Variants in ACYP2 observed in about 807,000 individuals in gnomAD.
The protein encoded by ACYP2 is acylphosphatase 2.
ACYP2 carries 12 observed loss-of-function variants against 11.2 expected under a neutral mutation model. The ratio of observed to expected loss-of-function variants is 1.08; its 90% CI spans 0.69 to 1.74. The LOEUF is 1.74. Among genes scored for constraint, ACYP2 ranks in the 40% most tolerant of loss-of-function variants. The probability of loss-of-function intolerance (pLI) is 0.00; values close to 1 mark genes in which losing one functional copy is unlikely to be tolerated. For synonymous variants in ACYP2, 43 were observed against 32.2 expected (o/e 1.33, Z -1.13); for missense variants, 134 against 101.9 (o/e 1.31, Z -1.35).
At chr2:54,105,095 C>T (rs1024051484) in intron 4 of ACYP2, among the ~76,000 whole-genome samples, 1 of 152,160 alleles carries the variant, frequency 6.6e-6, no homozygotes, top group Non-Finnish European at 1.5e-5. Flanking sequence ...CAGGAAATTT[C>T]CCCCCAGGAA....
intron 6 of ACYP2, among the ~76,000 whole-genome samples, chr2:54,275,015 C>A (rs777220449): frequency 1.7e-4 from 26 of 152,100 alleles, no homozygotes; most frequent in Non-Finnish European, 3.2e-4. Flanking sequence ...TTAACTAGAC[C>A]ATGTTTCAGG....
intron 2 of ACYP2, among the ~76,000 whole-genome samples, chr2:54,038,474 A>G (rs975148987): frequency 6.6e-6 from 1 of 151,838 alleles, no homozygotes; most frequent in Non-Finnish European, 1.5e-5. Context: ...GCGTGGTGCT[A>G]TTCTAAGCAC....
At chr2:54,214,562 T>A (rs767310779) in intron 6 of ACYP2, among the ~76,000 whole-genome samples, 4 of 152,210 alleles carry the variant, frequency 2.6e-5, no homozygotes, top group Non-Finnish European at 4.4e-5. Context: ...ATGTGTGGCT[T>A]TATTTCTGGG....
At chr2:54,045,708 C>A (rs1393980803) in intron 2 of ACYP2, among the ~76,000 whole-genome samples, 1 of 151,772 alleles carries the variant, frequency 6.6e-6, no homozygotes, top group Non-Finnish European at 1.5e-5. Context: ...CCCAGCTACT[C>A]GGGAGGCTGA....
intron 4 of ACYP2, chr2:54,065,492 G>T: frequency 2.5e-6 from 1 of 398,590 alleles, no homozygotes; most frequent in Non-Finnish European, 4.4e-6. Flanking sequence ...ATGTTTCAAT[G>T]CTTGGCTATC....
intron 6 of ACYP2, among the ~76,000 whole-genome samples, chr2:54,193,622 G>A (rs1363311634): frequency 6.6e-6 from 1 of 151,890 alleles, no homozygotes; most frequent in East Asian, 1.9e-4. Flanking sequence ...TTGCTCATAA[G>A]GCCAAATTTT....
intron 6 of ACYP2, among the ~76,000 whole-genome samples, chr2:54,207,148 A>G (rs1314397609): frequency 7.2e-6 from 1 of 138,118 alleles, no homozygotes; most frequent in African/African-American, 3.0e-5. Flanking sequence ...TCAAGTTATT[A>G]TATGTACATA....
At chr2:54,056,738 G>T (rs1044707933) in intron 3 of ACYP2, among the ~76,000 whole-genome samples, 5 of 152,008 alleles carry the variant, frequency 3.3e-5, no homozygotes, top group Non-Finnish European at 5.9e-5. Context: ...TGTTGTGTAT[G>T]TCATCTGTAT....
intron 4 of ACYP2, among the ~76,000 whole-genome samples, chr2:54,061,657 C>A (rs1165781943): frequency 1.3e-5 from 2 of 152,142 alleles, no homozygotes; most frequent in Non-Finnish European, 2.9e-5. Context: ...TAGAATCAGG[C>A]TTAGAAAATA....
chr2:53,976,362 C>T (rs1671489018), intron 2 of ACYP2, among the ~76,000 whole-genome samples: 1 of 152,096 alleles, frequency 6.6e-6, no homozygotes, highest in African/African-American at 2.4e-5. Flanking sequence ...TGCATGCTAC[C>T]ATGTCCGGCT....
chr2:54,168,598 G>A (rs1683103330), intron 6 of ACYP2, among the ~76,000 whole-genome samples: 1 of 143,914 alleles, frequency 6.9e-6, no homozygotes, highest in Admixed American at 7.0e-5. Flanking sequence ...TACATTACGG[G>A]GATAATATTT....
chr2:54,257,990 A>T (rs1467806795), intron 6 of ACYP2, among the ~76,000 whole-genome samples: 1 of 152,228 alleles, frequency 6.6e-6, no homozygotes, highest in Non-Finnish European at 1.5e-5. Context: ...TTTATTAAAC[A>T]TTCAACAAAT....
At chr2:54,223,093 T>G (rs1415989458) in intron 6 of ACYP2, 1 of 152,212 alleles carries the variant, frequency 6.6e-6, no homozygotes, top group Non-Finnish European at 1.5e-5. Flanking sequence ...AGTGAGTGCC[T>G]TCTTTGACTC....
intron 6 of ACYP2, among the ~76,000 whole-genome samples, chr2:54,302,699 G>A (rs765836263): frequency 6.6e-5 from 10 of 152,014 alleles, no homozygotes; most frequent in African/African-American, 2.4e-4. Context: ...CCAAAACTGA[G>A]CCTCTGATCT....
chr2:54,177,591 T>C (rs1683517259), intron 6 of ACYP2, among the ~76,000 whole-genome samples: 1 of 151,818 alleles, frequency 6.6e-6, no homozygotes, highest in African/African-American at 2.4e-5. Context: ...TTTTTTTTTT[T>C]TCTGGAAACG....
intron 4 of ACYP2, among the ~76,000 whole-genome samples, chr2:54,062,480 G>T (rs1340703518): frequency 6.6e-6 from 1 of 152,066 alleles, no homozygotes; most frequent in Admixed American, 6.5e-5. Context: ...AATAAATCTG[G>T]TTCCACTTTT....
In ACYP2 at chr2:54,187,239, G is replaced by C. The variant is rs188000203; in HGVS notation, c.404+48491G>C. Among the ~76,000 whole-genome samples, 3 of 152,308 alleles carry C rather than the reference G, an allele frequency of 2.0e-5. No individual in the cohort carries two copies. In the East Asian group the frequency reaches 5.8e-4, roughly 29 times the overall value. ...TTTAGGGGAGCTGTTACAGAGAGCA[G>C]CAGGGGTTCAGATTGCAGTGTGTCT... On this transcript the variant is annotated intron_variant, in intron 6 of 6. Transcript: ENST00000607452.
chr2:54,060,252 C>G (rs1197356429), intron 4 of ACYP2, among the ~76,000 whole-genome samples: 1 of 151,936 alleles, frequency 6.6e-6, no homozygotes, highest in African/African-American at 2.4e-5. Flanking sequence ...TTATTTTTTT[C>G]TCTCTTTTTG....
At chr2:54,058,902 A>G (rs1676312612) in intron 4 of ACYP2, among the ~76,000 whole-genome samples, 1 of 152,078 alleles carries the variant, frequency 6.6e-6, no homozygotes, top group African/African-American at 2.4e-5. Flanking sequence ...TTCCACCCAG[A>G]TGGGGGTTAT....
Sources: allele counts gnomAD v4.1 joint callset (sites outside exome capture counted in the v4.1 genomes callset), GRCh38; gene constraint gnomAD v4.1.1; transcripts MANE v1.5; gene names NCBI Gene and HGNC (gene_info 2026-07-23, HGNC 2026-07-21).